The following EXPH5 variants were observed in gnomAD, a reference collection of about 807,000 sequenced individuals.
EXPH5 encodes the protein exophilin-5.
In EXPH5, 42 loss-of-function variants were observed where a neutral mutation model predicts 41.1. The ratio of observed to expected loss-of-function variants is 1.02; its 90% confidence interval spans 0.80 to 1.32. The LOEUF is 1.32. EXPH5 is among the 40% of genes most tolerant of loss of function. The pLI is 0.00. For synonymous variants in EXPH5, 798 were observed against 833.5 expected, an observed-to-expected ratio of 0.96 and a Z score of 0.73; for missense variants, 2,298 against 2,314.5, an observed-to-expected ratio of 0.99 and a Z score of 0.15.
chr11:108,585,956 T>G (rs1254059895), intron 1 of EXPH5, among the ~76,000 whole-genome samples: 1 of 152,230 alleles, frequency 6.6e-6, no homozygotes, highest in Non-Finnish European at 1.5e-5. Flanking sequence ...TTATTTATTT[T>G]GAGATGAAGT....
intron 1 of EXPH5, among the ~76,000 whole-genome samples, chr11:108,559,367 G>A (rs2094002579): frequency 6.6e-6 from 1 of 152,204 alleles, no homozygotes; most frequent in Non-Finnish European, 1.5e-5. Flanking sequence ...TTGAGTGTCA[G>A]GATTCTAAAA....
At position 108,514,541 on chromosome 11, in the gene EXPH5, A is replaced by G. The variant is rs1565781791; in HGVS notation, c.966T>C (p.Cys322=). 1 of 1,613,868 alleles carries G rather than the reference A, an allele frequency of 6.2e-7. No individual in the cohort carries two copies. Among genetic ancestry groups the G allele is most frequent in the East Asian group, 2.2e-5 (1 of 44,886 alleles). The change falls in exon 6 of 6, where the codon TGT becomes TGC. Residue 322 remains cysteine (C), a synonymous_variant. Transcript: ENST00000265843. ...QKNTFGSTSL[C]FDSRQRSALP... ...AGGCCGACCGTTGCCTGCTGTCAAA[A>G]CACAGCGAAGTACTGCCAAAAGTAT...
chr11:108,554,799 C>T (rs891707371), intron 1 of EXPH5, among the ~76,000 whole-genome samples: 11 of 152,156 alleles, frequency 7.2e-5, no homozygotes, highest in Non-Finnish European at 1.5e-4. Context: ...TGGCGCACTC[C>T]TGTAGTCCCA....
Position 108,510,925 on chromosome 11 carries a change from G to T in EXPH5, c.4582C>A (p.Pro1528Thr). The T allele has an allele frequency of 6.2e-7, 1 of 1,614,116 alleles. No individual in the cohort carries two copies. Among genetic ancestry groups the T allele is most frequent in the Non-Finnish European group, 8.5e-7 (1 of 1,180,004 alleles). The change falls in exon 6 of 6, where the codon CCA becomes ACA. Residue 1528 changes from proline (P) to threonine (T), a missense_variant. Pro to Thr is a conservative substitution (Grantham distance 38). Transcript: ENST00000265843. ...TCAGACTGCAGACTCTCTAAGTTTG[G>T]TTCATCTGACTGAGTCTCCTCACCA... ...QLGEETQSDE[P>T]NLESLQSEPR...
intron 1 of EXPH5, among the ~76,000 whole-genome samples, chr11:108,557,289 C>T (rs1246099179): frequency 6.6e-6 from 1 of 152,018 alleles, no homozygotes; most frequent in African/African-American, 2.4e-5. Flanking sequence ...CAGACAATGT[C>T]CTCATGCTTG....
Position 108,573,138 on chromosome 11 carries a change from A to G in EXPH5, c.119+20280T>C, listed in dbSNP as rs532897909. Among the ~76,000 whole-genome samples the G allele has an allele frequency of 1.6e-3, 217 of 136,402 alleles. 3 individuals carry two copies. The highest frequency in any genetic ancestry group is 1.0e-3 in the Non-Finnish European group (66 of 64,304). The allele number at this position is 136,402 out of a possible 152,430, so 89.5% of individuals were successfully genotyped here. ...GAAAAAGAAAAGAAGGAAGGAAAGA[A>G]GGAAAGAAAGAAAGAAAGAAAGAAA... On this transcript the variant is annotated intron_variant, in intron 1 of 5. Coordinates refer to ENST00000265843, the MANE Select transcript of EXPH5 (RefSeq NM_015065.3).
chr11:108,555,973 T>C (rs1267449627), intron 1 of EXPH5, among the ~76,000 whole-genome samples: 1 of 152,174 alleles, frequency 6.6e-6, no homozygotes, highest in African/African-American at 2.4e-5. Context: ...TGCTTCACTC[T>C]GGCTCCCCTT....
intron 1 of EXPH5, among the ~76,000 whole-genome samples, chr11:108,561,945 C>G (rs576574772): frequency 1.3e-5 from 2 of 152,162 alleles, no homozygotes; most frequent in Non-Finnish European, 1.5e-5. Context: ...CCTGTGGTTA[C>G]TAGCCTGGTT....
intron 1 of EXPH5, among the ~76,000 whole-genome samples, chr11:108,563,192 G>C (rs963360895): frequency 3.9e-5 from 6 of 152,178 alleles, no homozygotes; most frequent in Non-Finnish European, 8.8e-5. Context: ...TTGTGGTTTG[G>C]AGGAAAGGTA....
At chr11:108,553,406 A>C (rs1490511432) in intron 1 of EXPH5, among the ~76,000 whole-genome samples, 4 of 152,114 alleles carry the variant, frequency 2.6e-5, no homozygotes, top group Non-Finnish European at 4.4e-5. Flanking sequence ...GCTGTAGAAA[A>C]GACTTGCTGT....
intron 4 of EXPH5, among the ~76,000 whole-genome samples, chr11:108,518,642 A>G (rs1424213996): frequency 6.6e-6 from 1 of 152,206 alleles, no homozygotes; most frequent in Non-Finnish European, 1.5e-5. Context: ...ACGAACTTAC[A>G]CAGCACTGTC....
chr11:108,512,949 A>G lies in EXPH5; in HGVS notation c.2558T>C (p.Leu853Pro), dbSNP rs10749920. 0.22 allele frequency: 346,727 copies of G among 1,611,992 alleles called. 45,822 individuals carry two copies. The highest frequency in any genetic ancestry group is 0.62 in the African/African-American group (46,744 of 74,862). Residue 853 changes from leucine to proline, a missense_variant, in exon 6 of 6, where the codon CTG (leucine) becomes CCG (proline). By Grantham distance (98) the Leu-to-Pro change is moderately conservative (BLOSUM62 -3). Coordinates refer to ENST00000265843, the MANE Select transcript of EXPH5 (RefSeq NM_015065.3). ...IITNNHWSSA[L>P]TDTQNAQYSK... ...GTATTGTGCATTTTGAGTATCAGTCAGTGCAGAGCTCCAGTGGTTATTTGT... is the reference window on the plus strand; with the variant it reads ...GTATTGTGCATTTTGAGTATCAGTCGGTGCAGAGCTCCAGTGGTTATTTGT...
chr11:108,535,146 C>A (rs760527391), intron 3 of EXPH5, among the ~76,000 whole-genome samples: 1 of 152,066 alleles, frequency 6.6e-6, no homozygotes, highest in African/African-American at 2.4e-5. Context: ...TGCAGCAGTT[C>A]CGAAATTTGA....
intron 1 of EXPH5, among the ~76,000 whole-genome samples, chr11:108,555,681 G>C (rs1046752816): frequency 1.3e-5 from 2 of 152,152 alleles, no homozygotes; most frequent in African/African-American, 4.8e-5. Context: ...CATGGGGGCG[G>C]TTTCCCTATG....
Position 108,513,769 on chromosome 11 carries a change from G to A in EXPH5, c.1738C>T (p.Pro580Ser). The A allele has an allele frequency of 2.5e-6, 4 of 1,604,540 alleles. No homozygotes were observed. The highest frequency in any genetic ancestry group is 1.7e-6 in the Non-Finnish European group (2 of 1,176,256). The part of the protein sequence containing the change: ...ETQLTPHFGT[P>S]NVCSMTGSSY... ...GAACCAGTCATGGAGCAAACATTTG[G>A]TGTGCCAAAATGAGGAGTCAACTGG... The change falls in exon 6 of 6, where the codon CCA becomes TCA. Residue 580 changes from proline to serine, a missense_variant. Pro to Ser is a moderately conservative substitution (Grantham distance 74, BLOSUM62 -1). Transcript: ENST00000265843.
rs745407367 is a variant in EXPH5 at position 108,510,445 on chromosome 11, T to C, written c.5062A>G (p.Ser1688Gly). ...GAAATGCTGTTAGACTTCTGGTTGCTGACGTGTGTAGAAGGTTCTCTGTTG... is the reference window on the plus strand; with the variant it reads ...GAAATGCTGTTAGACTTCTGGTTGCCGACGTGTGTAGAAGGTTCTCTGTTG... ...LPNREPSTHV[S>G]NQKSNSISQR... Residue 1688 changes from serine (S) to glycine (G), a missense_variant, in exon 6 of 6, where the codon AGC becomes GGC. Transcript: ENST00000265843. The C allele has an allele frequency of 1.5e-5, 25 of 1,614,134 alleles. No homozygotes were observed. The highest frequency in any genetic ancestry group is 2.2e-5 in the East Asian group (1 of 44,886).
chr11:108,587,191 C>A (rs1041720393), intron 1 of EXPH5, among the ~76,000 whole-genome samples: 1 of 152,148 alleles, frequency 6.6e-6, no homozygotes, highest in African/African-American at 2.4e-5. Context: ...GTTACATATG[C>A]ATACATGTGC....
chr11:108,541,939 A>C (rs972634572), intron 1 of EXPH5, 127 bp from the exon 2 acceptor site: 2 of 689,060 alleles, frequency 2.9e-6, no homozygotes, highest in African/African-American at 3.7e-5. Context: ...GTGCAGTGGC[A>C]CAACCTCGTC....
chr11:108,549,831 G>T (rs1256892857), intron 1 of EXPH5, among the ~76,000 whole-genome samples: 1 of 151,932 alleles, frequency 6.6e-6, no homozygotes, highest in East Asian at 1.9e-4. Context: ...TGTTTGCAAA[G>T]AATTCCTCCA....
Sources: allele counts gnomAD v4.1 joint callset (sites outside exome capture counted in the v4.1 genomes callset), GRCh38; gene constraint gnomAD v4.1.1; transcripts MANE v1.5; gene names NCBI Gene and HGNC (gene_info 2026-07-23, HGNC 2026-07-21).